Variants in DPPA4 observed in about 807,000 individuals in gnomAD.
The protein encoded by DPPA4 is developmental pluripotency associated 4.
Under a neutral mutation model 33.7 loss-of-function variants are expected in DPPA4, and 22 were observed. That is an observed-to-expected ratio of 0.65 (90% CI 0.47 to 0.93). The LOEUF is 0.93. DPPA4 is among the 40% of genes least tolerant of loss of function. DPPA4 has a pLI of 0.00. For missense variants in DPPA4, 340 were observed against 358.6 expected (o/e 0.95, Z 0.42); for synonymous variants, 156 against 132.3 (o/e 1.18, Z -1.23).
At chr3:109,328,471 C>T (rs1185033269) in intron 6 of DPPA4, among the ~76,000 whole-genome samples, 1 of 152,182 alleles carries the variant, frequency 6.6e-6, no homozygotes, top group Non-Finnish European at 1.5e-5. Context: ...AATTACCGAT[C>T]TCTCCTTTCC....
rs1178896630 is a variant in DPPA4 at position 109,330,715 on chromosome 3, G to T, written c.488C>A (p.Thr163Lys). The change falls in exon 5 of 7, where the codon ACA becomes AAA. Residue 163 changes from threonine to lysine, a missense_variant. Physicochemically the swap from Thr to Lys is moderately conservative, Grantham distance 78. This residue lies in a region of DPPA4 where 212 missense variants were observed against 206.5 expected (regional missense o/e 1.03). Transcript: ENST00000335658. Reference protein sequence around the residue: ...KGETSLQSSETHPPEVALPPV... With the variant: ...KGETSLQSSEKHPPEVALPPV... ...AGGAAGAGCCACTTCAGGAGGATGT[G>T]TCTCAGAACTTTGCAGGGACGTTTC... 13 of 1,614,158 alleles carry T rather than the reference G, an allele frequency of 8.1e-6. No individual in the cohort carries two copies. The East Asian group carries it at 2.7e-4, about 33-fold the overall frequency.
intron 6 of DPPA4, among the ~76,000 whole-genome samples, chr3:109,328,381 C>T (rs1028888022): frequency 4.6e-5 from 7 of 152,172 alleles, no homozygotes; most frequent in Non-Finnish European, 8.8e-5. Flanking sequence ...AGTAGGATAT[C>T]CCAAAGAAGG....
At chr3:109,331,626 C>A in intron 4 of DPPA4, 108 bp downstream of exon 4, 27 of 747,228 alleles carry the variant, frequency 3.6e-5, no homozygotes, top group South Asian at 8.0e-5. Context: ...TTTCTTAGAA[C>A]TAGGGGTGGA....
chr3:109,330,815 A>G lies in DPPA4; in HGVS notation c.391-3T>C, dbSNP rs774659247. ...TCTTTTGCTGTGCTAGGAAAATCCT[A>G]CAAAAAGGGTTAAATAATAAAGATA... On this transcript the variant is annotated splice_polypyrimidine_tract_variant and splice_region_variant and intron_variant, in intron 4 of 6. Coordinates refer to ENST00000335658, the MANE Select transcript of DPPA4 (RefSeq NM_018189.4). 13 of 1,592,798 alleles carry G rather than the reference A, an allele frequency of 8.2e-6. No homozygotes were observed. The Admixed American group carries it at 2.4e-4, about 29-fold the overall frequency.
At chr3:109,330,423 C>T (rs1708042296) in intron 5 of DPPA4, 101 bp downstream of exon 5, 2 of 1,359,934 alleles carry the variant, frequency 1.5e-6, no homozygotes, top group Non-Finnish European at 2.1e-6. Flanking sequence ...AATCACCGGC[C>T]CTCAAAGGGA....
In DPPA4 at chr3:109,331,285, G is replaced by GA. The variant is rs1319302970; in HGVS notation, c.390+448dup. ...CAAAAAAAAAAAAAAAAAAAAAAAA[G>GA]AAAGAAAAGAAAAGAAAAGAAATGA... On this transcript the variant is annotated intron_variant, in intron 4 of 6. Coordinates refer to ENST00000335658, the MANE Select transcript of DPPA4 (RefSeq NM_018189.4). Among the ~76,000 whole-genome samples the GA allele has an allele frequency of 7.1e-3, 656 of 92,794 alleles. 8 individuals carry two copies. Among genetic ancestry groups the GA allele is most frequent in the African/African-American group, 0.025 (632 of 25,344 alleles). The allele number at this position is 92,794 out of a possible 152,430, so 60.9% of individuals were successfully genotyped here.
chr3:109,335,068 T>C (rs1708163219), intron 1 of DPPA4, among the ~76,000 whole-genome samples: 1 of 152,246 alleles, frequency 6.6e-6, no homozygotes, highest in African/African-American at 2.4e-5. Context: ...GGAAAAGTTG[T>C]TTAATCCAGA....
chr3:109,329,967 C>T (rs1708023604), intron 5 of DPPA4: 1 of 156,900 alleles, frequency 6.4e-6, no homozygotes, highest in South Asian at 1.9e-4. Context: ...AACTGTGGTC[C>T]CCAGACCAGC....
At chr3:109,334,402 T>C (rs1010669352) in intron 1 of DPPA4, among the ~76,000 whole-genome samples, 1 of 151,942 alleles carries the variant, frequency 6.6e-6, no homozygotes, top group African/African-American at 2.4e-5. Flanking sequence ...GAAACAAAAT[T>C]AGCTGAGCAT....
intron 1 of DPPA4, among the ~76,000 whole-genome samples, chr3:109,335,070 T>C (rs1218648932): frequency 6.6e-6 from 1 of 152,222 alleles, no homozygotes; most frequent in Non-Finnish European, 1.5e-5. Flanking sequence ...AAAAGTTGTT[T>C]AATCCAGAGA....
At position 109,337,537 on chromosome 3, in the gene DPPA4, C is replaced by A; in HGVS notation, c.-20G>T. On this transcript the variant is annotated 5_prime_UTR_variant, in exon 1 of 7. Transcript: ENST00000335658. ...CAACATGCTTCCAAAATGGCCCCTG[C>A]CCCAAGATTGCTATTTGCAAAGTCT... is the stretch of plus-strand genomic sequence containing the variant. 1 of 1,613,720 alleles carries A rather than the reference C, an allele frequency of 6.2e-7. No individual in the cohort carries two copies. Among genetic ancestry groups the A allele is most frequent in the Non-Finnish European group, 8.5e-7 (1 of 1,179,672 alleles).
At position 109,327,963 on chromosome 3, in the gene DPPA4, T is replaced by C. The variant is rs140947545; in HGVS notation, c.*25A>G. The C allele has an allele frequency of 1.4e-5, 21 of 1,518,368 alleles. No homozygotes were observed. Among genetic ancestry groups the C allele is most frequent in the East Asian group, 2.3e-5 (1 of 44,412 alleles). The allele number at this position is 1,518,368 out of a possible 1,614,324, so 94.1% of individuals were successfully genotyped here. Reference sequence around the variant, plus strand: ...CCAGCTTTTCTGCCATTAATTACCATAGATGTGGCCTTTTTCCTGATATTC... The same window carrying C: ...CCAGCTTTTCTGCCATTAATTACCACAGATGTGGCCTTTTTCCTGATATTC... On this transcript the variant is annotated 3_prime_UTR_variant, in exon 7 of 7. Transcript: ENST00000335658.
chr3:109,332,040 G>T lies in DPPA4; in HGVS notation c.179-9C>A. Reference sequence around the variant, plus strand: ...TTTCTTAGGGCAGAGCACTGAAGCAGAATGGAATCAAATGAGTAGTAATTA... The same window carrying T: ...TTTCTTAGGGCAGAGCACTGAAGCATAATGGAATCAAATGAGTAGTAATTA... On this transcript the variant is annotated splice_polypyrimidine_tract_variant and intron_variant, in intron 2 of 6. Coordinates refer to ENST00000335658, the MANE Select transcript of DPPA4 (RefSeq NM_018189.4). 6.3e-7 allele frequency: 1 copy of T among 1,583,970 alleles called. No individual in the cohort carries two copies. Among genetic ancestry groups the T allele is most frequent in the Non-Finnish European group, 8.6e-7 (1 of 1,163,688 alleles).
intron 1 of DPPA4, among the ~76,000 whole-genome samples, chr3:109,336,661 C>T (rs1708219605): frequency 6.6e-6 from 1 of 152,178 alleles, no homozygotes; most frequent in South Asian, 2.1e-4. Context: ...GTTACCATTT[C>T]CCTCTAGCCC....
At chr3:109,338,888 A>AT (rs1708260573), upstream of DPPA4, among the ~76,000 whole-genome samples, 1 of 151,346 alleles carries the variant, frequency 6.6e-6, no homozygotes, top group African/African-American at 2.5e-5. Context: ...TGAACGTAAC[A>AT]TTCAGAATAA....
At chr3:109,330,404 G>A in intron 5 of DPPA4, 120 bp downstream of exon 5, 1 of 1,092,964 alleles carries the variant, frequency 9.1e-7, no homozygotes, top group South Asian at 1.3e-5. Context: ...TCTGTGGGCA[G>A]GGTCCAGGAA....
intron 1 of DPPA4, 53 bp downstream of exon 1, chr3:109,337,411 A>T: frequency 1.3e-6 from 2 of 1,554,204 alleles, no homozygotes; most frequent in Non-Finnish European, 1.8e-6. Flanking sequence ...GTGCCCAGGG[A>T]AGACAGAAAC....
At position 109,328,041 on chromosome 3, in the gene DPPA4, GTATT is replaced by G; in HGVS notation, c.879-21_879-18del. On this transcript the variant is annotated intron_variant, in intron 6 of 6. Transcript: ENST00000335658. ...ACCTTGTTCCTATAAAGCAAATAAA[GTATT>G]TGTTTTTAAAAAGAATGAAGAAATA... The G allele has an allele frequency of 7.0e-7, 1 of 1,438,228 alleles. No individual in the cohort carries two copies. The highest frequency in any genetic ancestry group is 1.4e-5 in the African/African-American group (1 of 70,950). The allele number at this position is 1,438,228 out of a possible 1,614,324, so 89.1% of individuals were successfully genotyped here.
rs547387127 is a variant in DPPA4, at chr3:109,327,636, C to T, written c.*352G>A. The T allele has an allele frequency of 2.6e-4, 51 of 195,114 alleles. No homozygotes were observed. The highest frequency in any genetic ancestry group is 4.6e-4 in the Non-Finnish European group (44 of 96,462). The allele number at this position is 195,114 out of a possible 1,614,324, so 12.1% of individuals were successfully genotyped here. A position where few individuals can be genotyped will look rare whatever the true frequency, so the allele number is the denominator to read the frequency against. ...ACTGAACTGAGATTGCACCACTGCA[C>T]TCCAGCCTGGGCAACAGTGAGACAC... is the stretch of plus-strand genomic sequence containing the variant. On this transcript the variant is annotated 3_prime_UTR_variant, in exon 7 of 7. Transcript: ENST00000335658.
Sources: allele counts gnomAD v4.1 joint callset (sites outside exome capture counted in the v4.1 genomes callset), GRCh38; gene constraint gnomAD v4.1.1; regional missense constraint gnomAD v4.1.1; transcripts MANE v1.5; gene names NCBI Gene and HGNC (gene_info 2026-07-23, HGNC 2026-07-21).